Variants in CNOT1 observed in about 807,000 individuals in gnomAD.
The protein encoded by CNOT1 is CCR4-NOT transcription complex subunit 1.
Under a neutral mutation model 273.8 loss-of-function variants are expected in CNOT1, and 15 were observed. The observed-to-expected ratio is 0.05, with a 90% CI of 0.04 to 0.08. CNOT1 has a LOEUF of 0.08. CNOT1 is among the 10% of genes least tolerant of loss of function. The pLI is 1.00. For missense variants in CNOT1, 1,644 were observed against 2,912.2 expected (o/e 0.56, Z 10.02); for synonymous variants, 1,022 against 1,005.5 (o/e 1.02, Z -0.31).
chr16:58,543,048 G>T, intron 31 of CNOT1: 8 of 1,124,316 alleles, frequency 7.1e-6, no homozygotes, highest in Non-Finnish European at 8.9e-6. Flanking sequence ...AGCCAAGACT[G>T]CACCACTGTA....
At chr16:58,626,535 G>A (rs1393626481) in intron 1 of CNOT1, among the ~76,000 whole-genome samples, 1 of 151,854 alleles carries the variant, frequency 6.6e-6, no homozygotes, top group Non-Finnish European at 1.5e-5. Flanking sequence ...GCCGACGCGG[G>A]TGGATCACGA....
At position 58,549,868 on chromosome 16, in the gene CNOT1, C is replaced by G. The variant is rs1199127577; in HGVS notation, c.3373G>C (p.Glu1125Gln). 1 of 1,613,860 alleles carries G rather than the reference C, an allele frequency of 6.2e-7. No homozygotes were observed. Among genetic ancestry groups the G allele is most frequent in the African/African-American group, 1.3e-5 (1 of 74,912 alleles). The change falls in exon 25 of 49, where the codon GAA (glutamate) becomes CAA (glutamine). Residue 1125 changes from glutamate to glutamine, a missense_variant. By Grantham distance (29) the Glu-to-Gln change is conservative. This residue lies in a region of CNOT1 where 124 missense variants were observed against 289.3 expected (regional missense o/e 0.43). Transcript: ENST00000317147. ...VEELKETVKE[E>Q]FMPWVSQYLV... is the part of the protein sequence containing the mutation. ...TACTGTGAAACCCAAGGCATAAATT[C>G]TTCTTTCACCGTTTCCTTTAGCTCT...
chr16:58,573,635 C>G (rs2041362262), intron 16 of CNOT1, among the ~76,000 whole-genome samples: 1 of 151,796 alleles, frequency 6.6e-6, no homozygotes, highest in Admixed American at 6.6e-5. Flanking sequence ...CGCCCGCCAC[C>G]ACGCCTAGCT....
chr16:58,601,734 T>TAAAAAAAAAAAAAAAAAA lies in CNOT1; in HGVS notation c.-174-2241_-174-2224dup, dbSNP rs66711143. Among the ~76,000 whole-genome samples the TAAAAAAAAAAAAAAAAAA allele has an allele frequency of 1.9e-4, 17 of 91,508 alleles. 1 individual carries two copies. The highest frequency in any genetic ancestry group is 3.1e-4 in the Non-Finnish European group (14 of 44,838). The allele number at this position is 91,508 out of a possible 152,430, so 60.0% of individuals were successfully genotyped here. ...ATATGCTAGTGCTCCATACCCACCT[T>TAAAAAAAAAAAAAAAAAA]AAAAAAAAAAAAAAAAAAAAGCCTG... On this transcript the variant is annotated intron_variant, in intron 1 of 48. Coordinates refer to ENST00000317147, the MANE Select transcript of CNOT1 (RefSeq NM_016284.5).
intron 16 of CNOT1, among the ~76,000 whole-genome samples, chr16:58,569,372 T>C (rs1343754043): frequency 6.6e-6 from 1 of 152,142 alleles, no homozygotes; most frequent in African/African-American, 2.4e-5. Flanking sequence ...TCCACCCACC[T>C]TGGCCTCCCA....
At chr16:58,555,193 T>G in intron 21 of CNOT1, 58 bp downstream of exon 21, 1 of 1,587,682 alleles carries the variant, frequency 6.3e-7, no homozygotes, top group Non-Finnish European at 8.6e-7. Context: ...GGATGAGAGT[T>G]AAGACCCTGT....
At chr16:58,556,770 T>C in intron 19 of CNOT1, 77 bp downstream of exon 19, 1 of 1,555,638 alleles carries the variant, frequency 6.4e-7, no homozygotes, top group Non-Finnish European at 8.7e-7. Context: ...CACATGGCCC[T>C]ACTAACACAA....
chr16:58,527,025 C>T (rs2039612111), intron 44 of CNOT1, among the ~76,000 whole-genome samples: 1 of 151,704 alleles, frequency 6.6e-6, no homozygotes, highest in South Asian at 2.1e-4. Flanking sequence ...CTGGGCAAAA[C>T]AACGAGACCC....
At chr16:58,618,335 G>A (rs2043169940) in intron 1 of CNOT1, among the ~76,000 whole-genome samples, 1 of 152,086 alleles carries the variant, frequency 6.6e-6, no homozygotes, top group South Asian at 2.1e-4. Context: ...TGTAATCCCA[G>A]TACTTTGGGA....
chr16:58,620,534 T>G (rs897967975), intron 1 of CNOT1, among the ~76,000 whole-genome samples: 1 of 151,482 alleles, frequency 6.6e-6, no homozygotes, highest in Non-Finnish European at 1.5e-5. Context: ...TCCCAGCTAC[T>G]CGGCGGGGAT....
chr16:58,558,519 C>G lies in CNOT1; in HGVS notation c.2286G>C (p.Gln762His), dbSNP rs1401448612. ...KAFPPLSTPN[Q>H]TTAFSGIGGL... ...CTCCAATACCACTGAATGCAGTGGT[C>G]TGATTGGGGGTTGAAAGGGGTGGAA... The change falls in exon 18 of 49, where the codon CAG (glutamine) becomes CAC (histidine). Residue 762 changes from glutamine (Q) to histidine (H), a missense_variant. Physicochemically the swap from Gln to His is conservative, Grantham distance 24. Around this residue, in one of 13 missense-constraint regions of CNOT1, gnomAD observed 706 missense variants for 1,021.2 expected, o/e 0.69. Transcript: ENST00000317147. 2 of 1,613,764 alleles carry G rather than the reference C, an allele frequency of 1.2e-6. No homozygotes were observed. The highest frequency in any genetic ancestry group is 1.7e-6 in the Non-Finnish European group (2 of 1,179,900).
At chr16:58,545,290 G>GAAAA in intron 30 of CNOT1, 71 bp downstream of exon 30, 1 of 1,584,750 alleles carries the variant, frequency 6.3e-7, no homozygotes, top group South Asian at 1.2e-5. Flanking sequence ...AAGAGCTGAA[G>GAAAA]AAAAGGTGGC....
intron 18 of CNOT1, 119 bp from the exon 19 acceptor site, chr16:58,557,112 A>T: frequency 2.3e-6 from 3 of 1,313,468 alleles, no homozygotes; most frequent in Non-Finnish European, 3.0e-6. Flanking sequence ...CTCTTACTTT[A>T]AAAGTCAGAG....
intron 11 of CNOT1, among the ~76,000 whole-genome samples, chr16:58,581,006 T>G (rs531479104): frequency 3.5e-5 from 1 of 28,442 alleles, no homozygotes; most frequent in South Asian, 7.5e-4. Context: ...TTAGGGAAAC[T>G]TAACGTTGCC....
At chr16:58,596,942 T>A (rs2042283327) in intron 2 of CNOT1, among the ~76,000 whole-genome samples, 1 of 147,258 alleles carries the variant, frequency 6.8e-6, no homozygotes, top group Non-Finnish European at 1.5e-5. Context: ...ATATGTGGCT[T>A]ACCCCAGAGG....
chr16:58,602,570 A>AC (rs2042511439), intron 1 of CNOT1, among the ~76,000 whole-genome samples: 8 of 149,082 alleles, frequency 5.4e-5, no homozygotes, highest in Non-Finnish European at 7.4e-5. Context: ...AAAAAAAAAA[A>AC]AAAAAAACCC....
At chr16:58,596,571 G>T (rs2042256253) in intron 2 of CNOT1, among the ~76,000 whole-genome samples, 1 of 148,136 alleles carries the variant, frequency 6.8e-6, no homozygotes, top group African/African-American at 2.4e-5. Flanking sequence ...TCAGAAGGTG[G>T]GGGCAAAGGT....
At chr16:58,549,640 A>G in intron 25 of CNOT1, 79 bp downstream of exon 25, 1 of 1,501,388 alleles carries the variant, frequency 6.7e-7, no homozygotes, top group African/African-American at 1.4e-5. Flanking sequence ...ATGGAAAAAT[A>G]GCAAAAATCC....
chr16:58,595,618 G>A (rs2042225987), intron 2 of CNOT1, among the ~76,000 whole-genome samples: 1 of 152,170 alleles, frequency 6.6e-6, no homozygotes, highest in East Asian at 1.9e-4. Flanking sequence ...TGGGGAGGGG[G>A]TTCTCATAAA....
Sources: gnomAD v4.1 joint callset for allele counts (sites outside exome capture counted in the v4.1 genomes callset) on GRCh38, gnomAD v4.1.1 for gene constraint, gnomAD v4.1.1 regional missense constraint, MANE v1.5 for transcripts, NCBI Gene and HGNC (gene_info 2026-07-23, HGNC 2026-07-21) for gene names.